Variants in GBP4 observed in about 807,000 individuals in gnomAD.
GBP4 encodes the protein guanylate-binding protein 4.
Under a neutral mutation model 62.2 loss-of-function variants are expected in GBP4, and 69 were observed. The ratio of observed to expected loss-of-function variants is 1.11; its 90% confidence interval spans 0.91 to 1.36. The LOEUF (loss-of-function observed/expected upper bound fraction) is 1.36. GBP4 is among the 40% of genes most tolerant of loss of function. The probability of loss-of-function intolerance (pLI) is 0.00; values close to 1 mark genes in which losing one functional copy is unlikely to be tolerated. For synonymous variants in GBP4, 278 were observed against 274.6 expected (o/e 1.01, Z -0.12); for missense variants, 697 against 759.3 (o/e 0.92, Z 0.96).
intron 3 of GBP4, 107 bp from the exon 4 acceptor site, chr1:89,193,519 G>A: frequency 1.3e-5 from 12 of 920,418 alleles, no homozygotes; most frequent in South Asian, 3.6e-5. Context: ...TGAATAATAG[G>A]GTAAATAACA....
Position 89,191,407 on chromosome 1 carries a change from T to A in GBP4, c.770A>T (p.Asp257Val), listed in dbSNP as rs753154560. 2 of 1,614,236 alleles carry A rather than the reference T, an allele frequency of 1.2e-6. No individual in the cohort carries two copies. Among genetic ancestry groups the A allele is most frequent in the Non-Finnish European group, 1.7e-6 (2 of 1,180,024 alleles). The change falls in exon 6 of 11, where the codon GAC becomes GTC. Residue 257 changes from aspartate to valine, a missense_variant. Around this residue, in one of 2 missense-constraint regions of GBP4, gnomAD observed 556 missense variants for 562.7 expected, o/e 0.99. Transcript: ENST00000355754. ...KCFVFDRPTN[D>V]KQYLNHMDEV... The stretch of plus-strand genomic sequence containing the variant: ...GTCCATATGATTTAAATATTGCTTG[T>A]CATTTGTAGGCCGGTCAAAGACAAA...
At chr1:89,198,359 G>T (rs1017246129) in intron 1 of GBP4, among the ~76,000 whole-genome samples, 1 of 152,136 alleles carries the variant, frequency 6.6e-6, no homozygotes, top group Non-Finnish European at 1.5e-5. Context: ...CCGAGATGCA[G>T]ACTGTCTGGC....
chr1:89,189,030 T>C (rs1369136903), intron 7 of GBP4, among the ~76,000 whole-genome samples: 1 of 152,232 alleles, frequency 6.6e-6, no homozygotes, highest in Non-Finnish European at 1.5e-5. Context: ...TTAGAAGACA[T>C]AAACTCTATG....
intron 3 of GBP4, 50 bp from the exon 4 acceptor site, chr1:89,193,462 C>G: frequency 6.8e-7 from 1 of 1,466,484 alleles, no homozygotes; most frequent in Admixed American, 1.7e-5. Context: ...TTCATTCATT[C>G]ATTCATTCAT....
At chr1:89,198,655 C>T in intron 1 of GBP4, 140 bp downstream of exon 1, 1 of 761,736 alleles carries the variant, frequency 1.3e-6, no homozygotes, top group Non-Finnish European at 2.3e-6. Context: ...CAGACTTCCC[C>T]GCGAGGTTCC....
chr1:89,192,333 A>G, intron 5 of GBP4, among the ~76,000 whole-genome samples: 1 of 152,222 alleles, frequency 6.6e-6, no homozygotes, highest in East Asian at 1.9e-4. Flanking sequence ...TGTTATGAAA[A>G]TAGTAAAATG....
At chr1:89,186,967 A>T in intron 9 of GBP4, 33 bp downstream of exon 9, 3 of 1,597,128 alleles carry the variant, frequency 1.9e-6, no homozygotes, top group African/African-American at 2.7e-5. Flanking sequence ...GGAAACTCCC[A>T]ATCCCTCTGA....
chr1:89,186,343 T>A lies in GBP4; in HGVS notation c.1697A>T (p.His566Leu). 1.2e-6 allele frequency: 2 copies of A among 1,613,040 alleles called. No individual in the cohort carries two copies. The highest frequency in any genetic ancestry group is 1.1e-5 in the South Asian group (1 of 91,012). ...TTCACGGAGACTCACCTTCAGCTTG[T>A]GTTTTAGCAGCCTTTCATGCTCTCT... Reference protein sequence around the residue: ...LLREHERLLKHKLKVQEEMLK... With the variant: ...LLREHERLLKLKLKVQEEMLK... Residue 566 changes from histidine (H) to leucine (L), a missense_variant, in exon 10 of 11, where the codon CAC becomes CTC. His to Leu is a moderately conservative substitution (Grantham distance 99). Transcript: ENST00000355754.
chr1:89,188,479 C>T, intron 8 of GBP4, 103 bp downstream of exon 8: 2 of 899,634 alleles, frequency 2.2e-6, no homozygotes, highest in Middle Eastern at 2.3e-4. Flanking sequence ...TCATGTTCTG[C>T]TTCCTCTCCA....
chr1:89,192,376 G>T (rs28417438), intron 5 of GBP4, among the ~76,000 whole-genome samples: 10,558 of 151,154 alleles, frequency 0.07, 1,199 homozygotes, highest in African/African-American at 0.24. Context: ...AAGCATATGT[G>T]TTTTTTTTTA....
chr1:89,192,901 T>A lies in GBP4; in HGVS notation c.670+3A>T. ...TTCCCACATCCAGGCCATGCTCTGATACCTGGAATCAGCTTCAAGGCATTC... is the reference window on the plus strand; with the variant it reads ...TTCCCACATCCAGGCCATGCTCTGAAACCTGGAATCAGCTTCAAGGCATTC... On this transcript the variant is annotated splice_donor_region_variant and intron_variant, in intron 5 of 10. Coordinates refer to ENST00000355754, the MANE Select transcript of GBP4 (RefSeq NM_052941.5). The A allele has an allele frequency of 6.2e-7, 1 of 1,613,316 alleles. No homozygotes were observed. The highest frequency in any genetic ancestry group is 8.5e-7 in the Non-Finnish European group (1 of 1,179,352).
rs760407328 is a variant in GBP4 at position 89,197,282 on chromosome 1, G to A, written c.63C>T (p.Ile21=). ...CCACTAGACAAATGGGGGCCATCAT[G>A]ATGGATTCAGATTCTGGATAACCTG... ...PTPGYPESES[I]MMAPICLVEN... The change falls in exon 2 of 11, where the codon ATC becomes ATT. Residue 21 remains isoleucine (I), a synonymous_variant. Transcript: ENST00000355754. The A allele has an allele frequency of 3.1e-6, 5 of 1,613,936 alleles. No individual in the cohort carries two copies. The highest frequency in any genetic ancestry group is 1.1e-5 in the South Asian group (1 of 91,072).
chr1:89,195,587 A>C (rs942644659), intron 2 of GBP4, among the ~76,000 whole-genome samples, 163 bp from the exon 3 acceptor site: 3 of 152,146 alleles, frequency 2.0e-5, no homozygotes, highest in African/African-American at 4.8e-5. Flanking sequence ...TGTATTAAGA[A>C]TTTTCTCAAA....
chr1:89,185,662 G>C (rs916270655), intron 10 of GBP4, among the ~76,000 whole-genome samples, 193 bp from the exon 11 acceptor site: 1 of 152,164 alleles, frequency 6.6e-6, no homozygotes, highest in African/African-American at 2.4e-5. Flanking sequence ...TTTACCTTTT[G>C]TGACATTCCC....
In GBP4 at chr1:89,181,702, AG is replaced by A. The variant is rs2100670439; in HGVS notation, c.*3551del. On this transcript the variant is annotated 3_prime_UTR_variant, in exon 11 of 11. Coordinates refer to ENST00000355754, the MANE Select transcript of GBP4 (RefSeq NM_052941.5). ...TCACTAGCCAATATGAGACACAGTC[AG>A]TTTCCCTAACTCTGTGCCAGCTCAC... is the stretch of plus-strand genomic sequence containing the variant. 2 of 152,170 alleles carry A rather than the reference AG, an allele frequency of 1.3e-5. No individual in the cohort carries two copies. 9.4% of individuals were successfully genotyped at this position (152,170 alleles called of 1,614,324 possible).
At chr1:89,188,163 GATCATCATCATC>G (rs10595348) in intron 8 of GBP4, among the ~76,000 whole-genome samples, 2 of 151,114 alleles carry the variant, frequency 1.3e-5, no homozygotes, top group Non-Finnish European at 3.0e-5. Context: ...GAATCATCAA[GATCATCATCATC>G]ATCATCATCA....
Position 89,193,389 on chromosome 1 carries a change from C to T in GBP4, c.387G>A (p.Trp129Ter), listed in dbSNP as rs1336179491. 1.2e-6 allele frequency: 2 copies of T among 1,614,112 alleles called. No homozygotes were observed. Among genetic ancestry groups the T allele is most frequent in the South Asian group, 2.2e-5 (2 of 91,088 alleles). The change falls in exon 4 of 11, where the codon TGG (tryptophan) becomes TGA (stop). Residue 129 changes from tryptophan to a stop codon, truncating the protein, a stop_gained. Coordinates refer to ENST00000355754, the MANE Select transcript of GBP4 (RefSeq NM_052941.5). LOFTEE classifies it high-confidence loss of function. Reference protein sequence around the residue: ...VEKSNPKNDSWIFALAVLLSS... With the variant: ...VEKSNPKNDS ...TTAGAAGCACAGCCAGGGCAAAGAT[C>T]CACGAGTCATTCTTAGGGTTACTCT...
In GBP4 at chr1:89,183,547, A is replaced by C. The variant is rs1216559188; in HGVS notation, c.*1707T>G. ...AATTGCAGCAAAAACAAAAACTGAC[A>C]AAGGAGATCTAATTAAATTAAAGAG... is the stretch of plus-strand genomic sequence containing the variant. On this transcript the variant is annotated 3_prime_UTR_variant, in exon 11 of 11. Transcript: ENST00000355754. 1 of 152,244 alleles carries C rather than the reference A, an allele frequency of 6.6e-6. No individual in the cohort carries two copies. The highest frequency in any genetic ancestry group is 1.5e-5 in the Non-Finnish European group (1 of 68,040). 9.4% of individuals were successfully genotyped at this position (152,244 alleles called of 1,614,324 possible).
rs374260896 is a variant in GBP4, at chr1:89,183,496, A to G, written c.*1758T>C. On this transcript the variant is annotated 3_prime_UTR_variant, in exon 11 of 11. Coordinates refer to ENST00000355754, the MANE Select transcript of GBP4 (RefSeq NM_052941.5). The stretch of plus-strand genomic sequence containing the variant: ...CATTCTGGACATAAGACTTGGCTAA[A>G]ATTTCATGATGAAGATAACATAAGC... 56 of 152,344 alleles carry G rather than the reference A, an allele frequency of 3.7e-4. 6 individuals are homozygous for G. The highest frequency in any genetic ancestry group is 9.2e-4 in the Admixed American group (14 of 15,300). The allele number at this position is 152,344 out of a possible 1,614,324, so 9.4% of individuals were successfully genotyped here. A position where few individuals can be genotyped will look rare whatever the true frequency, so the allele number is the denominator to read the frequency against.
Sources: allele counts gnomAD v4.1 joint callset (sites outside exome capture counted in the v4.1 genomes callset), GRCh38; gene constraint gnomAD v4.1.1; regional missense constraint gnomAD v4.1.1; transcripts MANE v1.5; gene names NCBI Gene and HGNC (gene_info 2026-07-23, HGNC 2026-07-21).